Variants in DNAI3 observed in about 807,000 individuals in gnomAD.
The protein encoded by DNAI3 is dynein axonemal intermediate chain 3.
Under a neutral mutation model 115.5 loss-of-function variants are expected in DNAI3, and 83 were observed. The observed-to-expected ratio is 0.72, with a 90% CI of 0.60 to 0.86. The LOEUF (loss-of-function observed/expected upper bound fraction) is 0.86, where lower values mean the gene tolerates loss of function less well. Ranked by LOEUF, DNAI3 falls within the 40% of genes least tolerant of loss-of-function variation. DNAI3 has a pLI of 0.00. For synonymous variants in DNAI3, 320 were observed against 347.0 expected (o/e 0.92, Z 0.86); for missense variants, 1,004 against 1,075.8 (o/e 0.93, Z 0.93).
chr1:85,101,028 C>T (rs537827285), intron 13 of DNAI3, among the ~76,000 whole-genome samples: 45 of 151,416 alleles, frequency 3.0e-4, no homozygotes, highest in African/African-American at 7.8e-4. Context: ...TGCTAAATGA[C>T]GAGTGAATGG....
At chr1:85,093,838 A>G in intron 9 of DNAI3, 190 bp downstream of exon 9, 1 of 714,800 alleles carries the variant, frequency 1.4e-6, no homozygotes, top group South Asian at 1.5e-5. Context: ...TGTAGGATAC[A>G]CACCTGTCAT....
chr1:85,104,646 T>C, intron 14 of DNAI3, 49 bp downstream of exon 14: 1 of 1,484,342 alleles, frequency 6.7e-7, no homozygotes, highest in Non-Finnish European at 9.4e-7. Context: ...ACATGGTGTT[T>C]TTTCTTCGAT....
chr1:85,079,883 C>G (rs907453692), intron 3 of DNAI3, among the ~76,000 whole-genome samples: 4 of 152,016 alleles, frequency 2.6e-5, no homozygotes, highest in Non-Finnish European at 5.9e-5. Flanking sequence ...TCCCTACCCA[C>G]TTTCCTGTGT....
intron 22 of DNAI3, among the ~76,000 whole-genome samples, chr1:85,131,803 A>G (rs1234463199): frequency 6.6e-6 from 1 of 152,228 alleles, no homozygotes; most frequent in Non-Finnish European, 1.5e-5. Flanking sequence ...AATTATCTAC[A>G]TCAGTGGGAG....
intron 13 of DNAI3, among the ~76,000 whole-genome samples, chr1:85,103,355 A>G (rs1250320994): frequency 6.6e-6 from 1 of 152,126 alleles, no homozygotes; most frequent in Non-Finnish European, 1.5e-5. Context: ...CTCTGTGTGC[A>G]TGCAGACTTA....
chr1:85,093,538 C>A lies in DNAI3; in HGVS notation c.938C>A (p.Thr313Asn). ...DWKYLAEEEG[T>N]FGDKTDTHLK... The stretch of plus-strand genomic sequence containing the variant: ...AAATACCTCGCAGAAGAAGAAGGCA[C>A]CTTTGGGGACAAGACCGATACCCAC... Residue 313 changes from threonine (T) to asparagine (N), a missense_variant, in exon 9 of 23, where the codon ACC becomes AAC. Physicochemically the swap from Thr to Asn is moderately conservative, Grantham distance 65. Around this residue, in one of 3 missense-constraint regions of DNAI3, gnomAD observed 550 missense variants for 568.1 expected, o/e 0.97. Coordinates refer to ENST00000294664, the MANE Select transcript of DNAI3 (RefSeq NM_145172.5). The A allele has an allele frequency of 1.9e-6, 3 of 1,614,102 alleles. No homozygotes were observed. Among genetic ancestry groups the A allele is most frequent in the Non-Finnish European group, 1.7e-6 (2 of 1,180,016 alleles).
chr1:85,096,149 A>T lies in DNAI3; in HGVS notation c.1263+129A>T, dbSNP rs1267607451. 3 of 773,108 alleles carry T rather than the reference A, an allele frequency of 3.9e-6. No individual in the cohort carries two copies. The African/African-American group carries it at 5.2e-5, about 13-fold the overall frequency. 47.9% of individuals were successfully genotyped at this position (773,108 alleles called of 1,614,324 possible). The stretch of plus-strand genomic sequence containing the variant: ...GGAAGGCATGCCAATTGTGTGCCAG[A>T]CACCACACCAGGAAGCAGGGTATAG... On this transcript the variant is annotated intron_variant, in intron 11 of 22. Coordinates refer to ENST00000294664, the MANE Select transcript of DNAI3 (RefSeq NM_145172.5).
chr1:85,094,034 GA>G (rs1655057371), intron 9 of DNAI3: 1 of 411,610 alleles, frequency 2.4e-6, no homozygotes. Context: ...CTCCTTTAAA[GA>G]GCTCAGCAGC....
At chr1:85,097,482 C>G in intron 11 of DNAI3, 87 bp from the exon 12 acceptor site, 2 of 1,229,360 alleles carry the variant, frequency 1.6e-6, no homozygotes, top group East Asian at 5.3e-5. Flanking sequence ...ATTGACTTAT[C>G]AGGCTACAAA....
intron 11 of DNAI3, among the ~76,000 whole-genome samples, chr1:85,096,553 G>A (rs576905379): frequency 6.0e-5 from 9 of 148,930 alleles, no homozygotes; most frequent in African/African-American, 7.4e-5. Context: ...TCTCAATACC[G>A]TTTGCTTTTA....
At chr1:85,093,333 A>T (rs1273688667) in intron 8 of DNAI3, 125 bp from the exon 9 acceptor site, 1 of 916,116 alleles carries the variant, frequency 1.1e-6, no homozygotes, top group African/African-American at 1.7e-5. Flanking sequence ...CATTATCACC[A>T]AATATAATTG....
Position 85,082,315 on chromosome 1 carries a change from G to A in DNAI3, c.301G>A (p.Glu101Lys). 1 of 1,612,848 alleles carries A rather than the reference G, an allele frequency of 6.2e-7. No individual in the cohort carries two copies. Among genetic ancestry groups the A allele is most frequent in the Non-Finnish European group, 8.5e-7 (1 of 1,179,262 alleles). The stretch of plus-strand genomic sequence containing the variant: ...ATTCTTGTAGGAATATCCTGGAAAT[G>A]AGCTTCTGCTTGTTTATGACAAAGA... Reference protein sequence around the residue: ...KKIVQEYPGNELLLVYDKDFK... With the variant: ...KKIVQEYPGNKLLLVYDKDFK... Residue 101 changes from glutamate to lysine, a missense_variant, in exon 5 of 23, where the codon GAG becomes AAG. Around this residue, in one of 3 missense-constraint regions of DNAI3, gnomAD observed 550 missense variants for 568.1 expected, o/e 0.97. Transcript: ENST00000294664.
intron 18 of DNAI3, among the ~76,000 whole-genome samples, chr1:85,123,652 T>C (rs1362547061): frequency 6.6e-6 from 1 of 152,236 alleles, no homozygotes; most frequent in Non-Finnish European, 1.5e-5. Context: ...TTATTCTTAC[T>C]TGTAATATTT....
intron 19 of DNAI3, among the ~76,000 whole-genome samples, chr1:85,124,534 A>T (rs988044611): frequency 7.2e-5 from 11 of 152,030 alleles, no homozygotes; most frequent in African/African-American, 2.2e-4. Flanking sequence ...CTTCACTGGC[A>T]TTTTTTGGGG....
intron 17 of DNAI3, among the ~76,000 whole-genome samples, chr1:85,119,476 C>T (rs1269443127): frequency 6.6e-6 from 1 of 152,206 alleles, no homozygotes; most frequent in Non-Finnish European, 1.5e-5. Flanking sequence ...AGGGGAATGA[C>T]ACCATCAGAC....
chr1:85,093,006 T>C (rs762524817), intron 8 of DNAI3, among the ~76,000 whole-genome samples: 14 of 152,190 alleles, frequency 9.2e-5, no homozygotes, highest in Non-Finnish European at 2.1e-4. Context: ...GACATCAAGT[T>C]AGAGGCAGAC....
intron 3 of DNAI3, 146 bp from the exon 4 acceptor site, chr1:85,081,088 A>G: frequency 1.6e-6 from 1 of 618,000 alleles, no homozygotes; most frequent in East Asian, 3.5e-5. Context: ...AATAATGGAT[A>G]TATTTACTTT....
At chr1:85,132,812 A>G (rs1468219203) in intron 22 of DNAI3, 43 bp from the exon 23 acceptor site, 1 of 1,594,890 alleles carries the variant, frequency 6.3e-7, no homozygotes, top group Non-Finnish European at 8.5e-7. Context: ...ATTTTTAGAT[A>G]TCAGTGTTTT....
At chr1:85,098,298 GA>G (rs1655187234) in intron 12 of DNAI3, among the ~76,000 whole-genome samples, 1 of 152,176 alleles carries the variant, frequency 6.6e-6, no homozygotes, top group Non-Finnish European at 1.5e-5. Flanking sequence ...ATTCTTTATG[GA>G]GTAGGTCAAT....
Sources: allele counts gnomAD v4.1 joint callset (sites outside exome capture counted in the v4.1 genomes callset), GRCh38; gene constraint gnomAD v4.1.1; regional missense constraint gnomAD v4.1.1; transcripts MANE v1.5; gene names NCBI Gene and HGNC (gene_info 2026-07-23, HGNC 2026-07-21).